TECPR2: variants seen among roughly 807,000 people sequenced by gnomAD.
The protein encoded by TECPR2 is tectonin beta-propeller repeat-containing protein 2.
TECPR2 carries 65 observed loss-of-function variants against 138.1 expected under a neutral mutation model. The observed-to-expected ratio is 0.47, with a 90% confidence interval of 0.39 to 0.58. TECPR2 has a LOEUF of 0.58. Among genes scored for constraint, TECPR2 ranks in the 20% least tolerant of loss-of-function variants. TECPR2 has a pLI of 0.00. For missense variants in TECPR2, 1,553 were observed against 1,824.5 expected (o/e 0.85, Z 2.71); for synonymous variants, 746 against 749.8 (o/e 0.99, Z 0.08).
intron 19 of TECPR2, 81 bp from the exon 20 acceptor site, chr14:102,498,022 C>CGCCCAAGCTCCCAGCTCCATCTCT: frequency 6.6e-7 from 1 of 1,510,190 alleles, no homozygotes; most frequent in Non-Finnish European, 8.9e-7. Context: ...CCCAGACCTG[C>CGCCCAAGCTCCCAGCTCCATCTCT]GCCCAAGCTC....
chr14:102,390,831 A>G (rs553630367), intron 2 of TECPR2, among the ~76,000 whole-genome samples: 1 of 151,952 alleles, frequency 6.6e-6, no homozygotes, highest in African/African-American at 2.4e-5. Context: ...TATAGTACCT[A>G]TCTTAGCATC....
At chr14:102,444,208 T>C (rs1210137691) in intron 12 of TECPR2, among the ~76,000 whole-genome samples, 3 of 151,920 alleles carry the variant, frequency 2.0e-5, no homozygotes, top group Admixed American at 6.6e-5. Flanking sequence ...TTTTTTTTTT[T>C]TTTGATACAG....
intron 1 of TECPR2, among the ~76,000 whole-genome samples, chr14:102,363,508 C>G (rs1403503842): frequency 6.6e-6 from 1 of 152,226 alleles, no homozygotes; most frequent in Non-Finnish European, 1.5e-5. Flanking sequence ...CCACTCGCAG[C>G]CCGCGTCCCT....
At chr14:102,466,316 G>A (rs1166927665) in intron 17 of TECPR2, among the ~76,000 whole-genome samples, 1 of 152,210 alleles carries the variant, frequency 6.6e-6, no homozygotes, top group Non-Finnish European at 1.5e-5. Context: ...CCTCCAGAGG[G>A]TGATGGGGAT....
intron 17 of TECPR2, among the ~76,000 whole-genome samples, chr14:102,468,395 G>A (rs750119134): frequency 2.6e-5 from 4 of 152,242 alleles, no homozygotes; most frequent in African/African-American, 4.8e-5. Context: ...CACCATGTTG[G>A]CCAGGCTGGT....
chr14:102,466,776 A>G (rs1368610592), intron 17 of TECPR2, among the ~76,000 whole-genome samples: 1 of 152,152 alleles, frequency 6.6e-6, no homozygotes, highest in East Asian at 1.9e-4. Context: ...CATCACTCCA[A>G]AACAGAGAGA....
In TECPR2 at chr14:102,443,933, C is replaced by G. The variant is rs541635514; in HGVS notation, c.2933+106C>G. 13 of 1,098,502 alleles carry G rather than the reference C, an allele frequency of 1.2e-5. No individual in the cohort carries two copies. The highest frequency in any genetic ancestry group is 2.9e-5 in the Admixed American group (1 of 34,630). 68.0% of individuals were successfully genotyped at this position (1,098,502 alleles called of 1,614,324 possible). The stretch of plus-strand genomic sequence containing the variant: ...TGAGGCCGTTCCTGGGAGGCAGCAC[C>G]TGCAGCCTCCATGGCTATAGGCTAA... On this transcript the variant is annotated intron_variant, in intron 12 of 19. Transcript: ENST00000359520. The surrounding 1 kb of genome is among the most constrained non-coding windows in gnomAD (Gnocchi z 4.9).
At position 102,466,645 on chromosome 14, in the gene TECPR2, T is replaced by C. The variant is rs114568401; in HGVS notation, c.3789+1356T>C. Among the ~76,000 whole-genome samples the C allele has an allele frequency of 1.9e-3, 285 of 152,330 alleles. 1 individual carries two copies. The highest frequency in any genetic ancestry group is 6.6e-3 in the African/African-American group (273 of 41,568). ...TTCCTTTTTTTCCTTCTAACAACTT[T>C]ATATTTTTCCTTTTAAGTTACAACC... On this transcript the variant is annotated intron_variant, in intron 17 of 19. Coordinates refer to ENST00000359520, the MANE Select transcript of TECPR2 (RefSeq NM_014844.5).
chr14:102,402,657 CAAG>C (rs1229815367), intron 2 of TECPR2, among the ~76,000 whole-genome samples: 7 of 151,874 alleles, frequency 4.6e-5, no homozygotes, highest in Non-Finnish European at 1.0e-4. Flanking sequence ...CCAGATGGAT[CAAG>C]AAGAAATGAG....
In TECPR2 at chr14:102,449,830, G is replaced by A; in HGVS notation, c.3277G>A (p.Gly1093Ser). The A allele has an allele frequency of 1.2e-6, 2 of 1,614,010 alleles. No individual in the cohort carries two copies. Among genetic ancestry groups the A allele is most frequent in the Non-Finnish European group, 1.7e-6 (2 of 1,180,028 alleles). Residue 1093 changes from glycine to serine, a missense_variant, in exon 14 of 20, where the codon GGC becomes AGC. Gly to Ser is a moderately conservative substitution (Grantham distance 56). Transcript: ENST00000359520. The stretch of plus-strand genomic sequence containing the variant: ...TAACAGCGGTGTCTGGATCTCCTCG[G>A]GCAAGAATGAATTCCACGTCGCTAA... ...VNNSGVWISS[G>S]KNEFHVAKGS...
Position 102,499,173 on chromosome 14 carries a change from A to G in TECPR2, c.*916A>G, listed in dbSNP as rs1280350974. The G allele has an allele frequency of 2.8e-6, 2 of 702,988 alleles. No homozygotes were observed. The highest frequency in any genetic ancestry group is 2.0e-5 in the Admixed American group (1 of 50,006). The allele number at this position is 702,988 out of a possible 1,614,324, so 43.5% of individuals were successfully genotyped here. A position where few individuals can be genotyped will look rare whatever the true frequency, so the allele number is the denominator to read the frequency against. ...GTGTGCACGTGTGTCCCAGGTAGGG[A>G]CGGCACAGGAGGGTGCATGGGGCGT... is the stretch of plus-strand genomic sequence containing the variant. On this transcript the variant is annotated 3_prime_UTR_variant, in exon 20 of 20. Transcript: ENST00000359520.
chr14:102,376,497 A>G (rs1395254241), intron 1 of TECPR2, among the ~76,000 whole-genome samples, 153 bp from the exon 2 acceptor site: 1 of 152,232 alleles, frequency 6.6e-6, no homozygotes, highest in Non-Finnish European at 1.5e-5. Context: ...AAAATGCTCA[A>G]AAGTGATCTT....
chr14:102,444,423 C>T (rs1018219512), intron 12 of TECPR2, among the ~76,000 whole-genome samples: 2 of 152,074 alleles, frequency 1.3e-5, no homozygotes, highest in African/African-American at 4.8e-5. Flanking sequence ...TCATCTCGAA[C>T]TCTTGGGCTC....
Position 102,434,954 on chromosome 14 carries a change from A to G in TECPR2, c.2137A>G (p.Ile713Val). The G allele has an allele frequency of 1.2e-6, 2 of 1,613,894 alleles. No homozygotes were observed. Among genetic ancestry groups the G allele is most frequent in the Non-Finnish European group, 1.7e-6 (2 of 1,179,998 alleles). ...DDDTGQKEIP[I>V]SERVLGSVGG... ...TGACACAGGTCAGAAAGAAATACCC[A>G]TTTCTGAACGTGTCTTGGGGAGTGT... is the stretch of plus-strand genomic sequence containing the variant. The change falls in exon 9 of 20, where the codon ATT becomes GTT. Residue 713 changes from isoleucine (I) to valine (V), a missense_variant. Physicochemically the swap from Ile to Val is conservative, Grantham distance 29. Coordinates refer to ENST00000359520, the MANE Select transcript of TECPR2 (RefSeq NM_014844.5).
chr14:102,463,797 G>A (rs144854704), intron 16 of TECPR2, among the ~76,000 whole-genome samples: 6,354 of 151,520 alleles, frequency 0.042, 158 homozygotes, highest in Middle Eastern at 0.092. Context: ...GGTGGCACGC[G>A]CCTGTAATCC....
intron 17 of TECPR2, among the ~76,000 whole-genome samples, chr14:102,487,572 C>T (rs558334827): frequency 6.6e-6 from 1 of 152,116 alleles, no homozygotes; most frequent in South Asian, 2.1e-4. Context: ...GATGGAGTCT[C>T]GCTCTCTCCC....
At chr14:102,431,456 C>T (rs1363650852) in intron 7 of TECPR2, among the ~76,000 whole-genome samples, 1 of 151,458 alleles carries the variant, frequency 6.6e-6, no homozygotes, top group African/African-American at 2.4e-5. Context: ...CATTCTCCTG[C>T]CTCAGCCTCC....
chr14:102,477,594 A>T (rs1303981296), intron 17 of TECPR2, among the ~76,000 whole-genome samples: 2 of 141,944 alleles, frequency 1.4e-5, no homozygotes. Flanking sequence ...TCTGTAGCCC[A>T]GACTGGGGTA....
At chr14:102,382,665 C>T (rs1403863982) in intron 2 of TECPR2, among the ~76,000 whole-genome samples, 1 of 152,170 alleles carries the variant, frequency 6.6e-6, no homozygotes, top group East Asian at 1.9e-4. Flanking sequence ...GAAAACATAC[C>T]TCAACACATT....
Sources: gnomAD v4.1 joint callset for allele counts (sites outside exome capture counted in the v4.1 genomes callset) on GRCh38, gnomAD v4.1.1 for gene constraint, Gnocchi (gnomAD v3.1) non-coding constraint, MANE v1.5 for transcripts, NCBI Gene and HGNC (gene_info 2026-07-23, HGNC 2026-07-21) for gene names.